Variants in ADGRD1 observed in about 807,000 individuals in gnomAD.
ADGRD1 encodes the protein G-protein coupled receptor 133.
In ADGRD1, 77 loss-of-function variants were observed where a neutral mutation model predicts 113.4. That is an observed-to-expected ratio of 0.68 (90% CI 0.57 to 0.82). ADGRD1 has a LOEUF of 0.82. Among genes scored for constraint, ADGRD1 ranks in the 40% least tolerant of loss-of-function variants. The probability of loss-of-function intolerance (pLI) is 0.00; values close to 1 mark genes in which losing one functional copy is unlikely to be tolerated. For synonymous variants in ADGRD1, 474 were observed against 475.0 expected (o/e 1.00, Z 0.03); for missense variants, 1,036 against 1,139.1 (o/e 0.91, Z 1.30).
chr12:130,988,615 T>TC (rs2136635079), intron 6 of ADGRD1: 1 of 152,360 alleles, frequency 6.6e-6, no homozygotes, highest in East Asian at 1.9e-4. Context: ...GGAAACTGCT[T>TC]CAGAACTGGT....
At chr12:130,960,023 G>A (rs1748222392) in intron 2 of ADGRD1, among the ~76,000 whole-genome samples, 6 of 152,280 alleles carry the variant, frequency 3.9e-5, no homozygotes, top group Admixed American at 2.0e-4. Flanking sequence ...GGCCTCAGGC[G>A]GCCCAATTTC....
rs117169610 is a variant in ADGRD1, at chr12:131,021,228, G to C, written c.1473+6888G>C. ...ATTGACACTGATATTAACGACAGAC[G>C]TTTTTTGAATGGTGTCAGTTTCCTC... On this transcript the variant is annotated intron_variant, in intron 13 of 24. Transcript: ENST00000261654. 3.8e-3 allele frequency among the ~76,000 whole-genome samples: 578 copies of C among 152,216 alleles called. 3 individuals are homozygous for C. The highest frequency in any genetic ancestry group is 6.8e-3 in the Middle Eastern group (2 of 294).
At chr12:131,129,486 G>A (rs1345699491) in intron 20 of ADGRD1, among the ~76,000 whole-genome samples, 4 of 147,166 alleles carry the variant, frequency 2.7e-5, no homozygotes, top group East Asian at 2.0e-4. Flanking sequence ...TGACAGCCCC[G>A]CCCTGCTGTC....
At position 131,057,446 on chromosome 12, in the gene ADGRD1, C is replaced by T. The variant is rs965330894; in HGVS notation, c.1474-19355C>T. Reference sequence around the variant, plus strand: ...CTAGTGGCTTTAAACAGCAGAAAGCCGTTCTCCTGCAGCTCTTGAGTCCAC... The same window carrying T: ...CTAGTGGCTTTAAACAGCAGAAAGCTGTTCTCCTGCAGCTCTTGAGTCCAC... On this transcript the variant is annotated intron_variant, in intron 13 of 24. Transcript: ENST00000261654. This position sits in a 1 kb window ranked among gnomAD's most constrained non-coding sequence, Gnocchi z 4.2. 2.0e-5 allele frequency among the ~76,000 whole-genome samples: 3 copies of T among 152,176 alleles called. No homozygotes were observed. The highest frequency in any genetic ancestry group is 2.1e-4 in the South Asian group (1 of 4,816).
chr12:131,079,433 A>C (rs986826580), intron 14 of ADGRD1, among the ~76,000 whole-genome samples: 1 of 152,298 alleles, frequency 6.6e-6, no homozygotes, highest in Admixed American at 6.5e-5. Context: ...GTCTACGTGC[A>C]TGTTGGATAT....
intron 8 of ADGRD1, chr12:130,994,397 C>A: frequency 3.7e-6 from 1 of 273,476 alleles, no homozygotes. Flanking sequence ...TAGTGCCCTG[C>A]CTGTAGCTAA....
At chr12:131,091,597 A>G (rs907987987) in intron 15 of ADGRD1, among the ~76,000 whole-genome samples, 60 of 152,194 alleles carry the variant, frequency 3.9e-4, no homozygotes, top group African/African-American at 1.3e-3. Context: ...AAAATCCCCT[A>G]TGCGTGGGTG....
chr12:131,071,269 G>A (rs948953636), intron 13 of ADGRD1, among the ~76,000 whole-genome samples: 1 of 138,806 alleles, frequency 7.2e-6, no homozygotes, highest in African/African-American at 2.7e-5. Context: ...GTACAAGGAG[G>A]TGGGGCTAAG....
intron 16 of ADGRD1, 67 bp from the exon 17 acceptor site, chr12:131,105,687 A>G (rs1408000812): frequency 1.6e-6 from 2 of 1,253,630 alleles, no homozygotes; most frequent in East Asian, 2.4e-5. Context: ...TCGTGGGGCC[A>G]GGGAGCCCAG....
intron 5 of ADGRD1, among the ~76,000 whole-genome samples, chr12:130,986,632 ATTTCCTTTTT>A (rs919640598): frequency 4.9e-4 from 74 of 151,826 alleles, no homozygotes; most frequent in African/African-American, 1.8e-3. Context: ...TTATATTCTT[ATTTCCTTTTT>A]TTTCCTTTTT....
At chr12:131,095,328 T>C (rs554750481) in intron 15 of ADGRD1, among the ~76,000 whole-genome samples, 1 of 152,374 alleles carries the variant, frequency 6.6e-6, no homozygotes, top group South Asian at 2.1e-4. Flanking sequence ...CCTGCCCCTC[T>C]TGACAAATTC....
rs902537521 is a variant in ADGRD1, at chr12:131,036,733, T to C, written c.1473+22393T>C. 4.9e-4 allele frequency among the ~76,000 whole-genome samples: 57 copies of C among 115,966 alleles called. 2 individuals are homozygous for C. Among genetic ancestry groups the C allele is most frequent in the Middle Eastern group, 5.8e-3 (1 of 172 alleles). The allele number at this position is 115,966 out of a possible 152,430, so 76.1% of individuals were successfully genotyped here. A position where few individuals can be genotyped will look rare whatever the true frequency, so the allele number is the denominator to read the frequency against. Reference sequence around the variant, plus strand: ...ACTCACCGCACCGGGCCTCACTCACTGCATGGGGCCTCACTCACTGCACCG... The same window carrying C: ...ACTCACCGCACCGGGCCTCACTCACCGCATGGGGCCTCACTCACTGCACCG... On this transcript the variant is annotated intron_variant, in intron 13 of 24. Coordinates refer to ENST00000261654, the MANE Select transcript of ADGRD1 (RefSeq NM_198827.5).
chr12:130,963,693 G>A (rs867616606), intron 2 of ADGRD1, among the ~76,000 whole-genome samples: 21 of 152,290 alleles, frequency 1.4e-4, no homozygotes, highest in Middle Eastern at 3.4e-3. Flanking sequence ...GCGCTCTGTA[G>A]ATGAGCATTT....
intron 13 of ADGRD1, among the ~76,000 whole-genome samples, chr12:131,029,854 CGTTCGGTGACATTCCCAGGCTCTGGGA>C (rs1880448891): frequency 8.7e-5 from 4 of 45,824 alleles, no homozygotes; most frequent in Non-Finnish European, 1.4e-4. Context: ...GCGGACCCCT[CGTTCGGTGACATTCCCAGGCTCTGGGA>C]TTAGGTTGTG....
intron 20 of ADGRD1, among the ~76,000 whole-genome samples, chr12:131,124,630 C>T (rs1338879782): frequency 1.3e-5 from 2 of 152,030 alleles, no homozygotes; most frequent in Non-Finnish European, 2.9e-5. Context: ...CCAGTAACAC[C>T]CCCCACCAGG....
Position 131,113,005 on chromosome 12 carries a change from T to A in ADGRD1, c.2041+4128T>A, listed in dbSNP as rs770698290. ...GGGGAATGAGAAATGCGGGCAGCCTTCCCCACCTCCCCCAGCCTGGGGAGA... is the reference window on the plus strand; with the variant it reads ...GGGGAATGAGAAATGCGGGCAGCCTACCCCACCTCCCCCAGCCTGGGGAGA... On this transcript the variant is annotated intron_variant, in intron 18 of 24. Coordinates refer to ENST00000261654, the MANE Select transcript of ADGRD1 (RefSeq NM_198827.5). The surrounding 1 kb of genome is among the most constrained non-coding windows in gnomAD (Gnocchi z 4.9). 1.1e-4 allele frequency among the ~76,000 whole-genome samples: 16 copies of A among 152,078 alleles called. No homozygotes were observed. The highest frequency in any genetic ancestry group is 2.0e-4 in the Admixed American group (3 of 15,276).
At chr12:131,099,201 T>A (rs557504521) in intron 15 of ADGRD1, among the ~76,000 whole-genome samples, 68 of 152,328 alleles carry the variant, frequency 4.5e-4, no homozygotes, top group Non-Finnish European at 7.4e-4. Context: ...GAAGGCTGTC[T>A]CCTGTCCTGT....
At chr12:130,983,268 T>C (rs1439348848) in intron 5 of ADGRD1, among the ~76,000 whole-genome samples, 1 of 152,176 alleles carries the variant, frequency 6.6e-6, no homozygotes, top group Admixed American at 6.5e-5. Context: ...TGCCTTCTTC[T>C]GTGGATGCTC....
chr12:131,129,242 G>C (rs376832684), intron 20 of ADGRD1, among the ~76,000 whole-genome samples: 1 of 130,300 alleles, frequency 7.7e-6, no homozygotes, highest in Non-Finnish European at 1.6e-5. Flanking sequence ...TGACAGGCCC[G>C]CCCTGCTGTC....
Sources: gnomAD v4.1 joint callset for allele counts (sites outside exome capture counted in the v4.1 genomes callset) on GRCh38, gnomAD v4.1.1 for gene constraint, Gnocchi (gnomAD v3.1) non-coding constraint, MANE v1.5 for transcripts, NCBI Gene and HGNC (gene_info 2026-07-23, HGNC 2026-07-21) for gene names.